PIK3C2G: variants seen among roughly 807,000 people sequenced by gnomAD.
The protein encoded by PIK3C2G is phosphatidylinositol 3-kinase C2 domain-containing subunit gamma.
A neutral mutation model predicts 181.1 loss-of-function variants in PIK3C2G; 168 were observed. The ratio of observed to expected loss-of-function variants is 0.93; its 90% CI spans 0.82 to 1.05. The LOEUF is 1.05. PIK3C2G is among the 50% of genes least tolerant of loss of function. The pLI is 0.00. For missense variants in PIK3C2G, 1,869 were observed against 1,732.8 expected, an observed-to-expected ratio of 1.08 and a Z score of -1.40; for synonymous variants, 573 against 592.2, an observed-to-expected ratio of 0.97 and a Z score of 0.47.
chr12:18,592,582 G>A (rs766786694), intron 29 of PIK3C2G, among the ~76,000 whole-genome samples: 1 of 151,846 alleles, frequency 6.6e-6, no homozygotes, highest in African/African-American at 2.4e-5. Flanking sequence ...TTGAAGAAGT[G>A]GAATCAGTGT....
intron 8 of PIK3C2G, among the ~76,000 whole-genome samples, chr12:18,327,714 C>T (rs1951409657): frequency 6.6e-6 from 1 of 151,740 alleles, no homozygotes; most frequent in African/African-American, 2.4e-5. Flanking sequence ...AATATGAATT[C>T]AATAGGAATT....
At chr12:18,705,072 A>C in the PIK3C2G span, 1 of 1,473,764 alleles carries the variant, frequency 6.8e-7, no homozygotes, top group Non-Finnish European at 9.5e-7. Flanking sequence ...AAGCATTTTC[A>C]TTGGTCTCTA....
At position 18,488,648 on chromosome 12, in the gene PIK3C2G, A is replaced by G. The variant is rs746950646; in HGVS notation, c.2685+19A>G. 3 of 1,420,454 alleles carry G rather than the reference A, an allele frequency of 2.1e-6. No homozygotes were observed. The Admixed American group carries it at 8.0e-5, about 38-fold the overall frequency. The allele number at this position is 1,420,454 out of a possible 1,614,324, so 88.0% of individuals were successfully genotyped here. On this transcript the variant is annotated intron_variant, in intron 19 of 32. Transcript: ENST00000538779. ...AAGACAGGTTTGTTGAAATATTAAT[A>G]TTCAGGTAGTAATGTTTTTAACTTT...
At chr12:18,666,302 C>T in the PIK3C2G span, among the ~76,000 whole-genome samples, 124 of 151,956 alleles carry the variant, frequency 8.2e-4, 1 homozygote, top group East Asian at 3.9e-4. Context: ...GCATATTTGG[C>T]AAAATGCATT....
At chr12:18,377,966 C>T (rs925796873) in intron 13 of PIK3C2G, among the ~76,000 whole-genome samples, 1 of 152,144 alleles carries the variant, frequency 6.6e-6, no homozygotes, top group Non-Finnish European at 1.5e-5. Flanking sequence ...AAGTGATTCT[C>T]CTGCCTCAGC....
intron 20 of PIK3C2G, 52 bp from the exon 21 acceptor site, chr12:18,496,010 T>C (rs1940975619): frequency 3.2e-6 from 3 of 932,490 alleles, no homozygotes; most frequent in Admixed American, 6.3e-5. Flanking sequence ...TTTTTGGGGA[T>C]TGGGGTCTGA....
At chr12:18,562,590 A>G in intron 26 of PIK3C2G, 113 bp from the exon 27 acceptor site, 1 of 635,464 alleles carries the variant, frequency 1.6e-6, no homozygotes. Context: ...ATAAACATAC[A>G]TGGTTCTTGG....
intron 18 of PIK3C2G, among the ~76,000 whole-genome samples, chr12:18,467,416 C>T (rs931584451): frequency 5.9e-5 from 9 of 151,486 alleles, no homozygotes; most frequent in African/African-American, 1.9e-4. Flanking sequence ...TGGTTTCCCT[C>T]TTGGTACTTG....
chr12:18,719,116 C>A, the PIK3C2G span, among the ~76,000 whole-genome samples: 5 of 152,092 alleles, frequency 3.3e-5, no homozygotes, highest in African/African-American at 1.2e-4. Context: ...AAATAAGAGT[C>A]TTCTTCATAT....
chr12:18,283,275 T>A (rs1426953727), intron 2 of PIK3C2G, among the ~76,000 whole-genome samples: 1 of 152,140 alleles, frequency 6.6e-6, no homozygotes, highest in East Asian at 1.9e-4. Context: ...AATTAAGTAT[T>A]CATTGTGTGA....
At chr12:18,701,029 G>C in the PIK3C2G span, among the ~76,000 whole-genome samples, 3 of 151,128 alleles carry the variant, frequency 2.0e-5, no homozygotes, top group South Asian at 6.3e-4. Context: ...CTGTTGCCCA[G>C]GTTGGAGTGC....
chr12:18,394,237 C>T (rs570369741), intron 15 of PIK3C2G, among the ~76,000 whole-genome samples: 4 of 152,152 alleles, frequency 2.6e-5, no homozygotes, highest in Middle Eastern at 3.4e-3. Context: ...CTCAACCTAA[C>T]AAATCATAAA....
chr12:18,600,675 C>A (rs1253960764), intron 30 of PIK3C2G, among the ~76,000 whole-genome samples: 2 of 151,916 alleles, frequency 1.3e-5, no homozygotes, highest in Non-Finnish European at 2.9e-5. Context: ...CTGTTCAACT[C>A]CATGAGAAAA....
At chr12:18,554,956 G>T (rs569961607) in intron 26 of PIK3C2G, among the ~76,000 whole-genome samples, 1 of 152,230 alleles carries the variant, frequency 6.6e-6, no homozygotes, top group Non-Finnish European at 1.5e-5. Context: ...GCAATGAAAT[G>T]AAGTTTGAGA....
At chr12:18,250,699 T>G (rs1025615098) in intron 1 of PIK3C2G, among the ~76,000 whole-genome samples, 1 of 152,048 alleles carries the variant, frequency 6.6e-6, no homozygotes, top group Non-Finnish European at 1.5e-5. Context: ...CTAGGCAAAC[T>G]AGCAGTACAA....
chr12:18,574,034 C>A (rs1946111194), intron 29 of PIK3C2G, among the ~76,000 whole-genome samples: 1 of 152,118 alleles, frequency 6.6e-6, no homozygotes, highest in South Asian at 2.1e-4. Context: ...ACAGAACATA[C>A]AACTTCTGAA....
At chr12:18,387,193 T>C (rs752835377) in intron 14 of PIK3C2G, among the ~76,000 whole-genome samples, 8 of 152,204 alleles carry the variant, frequency 5.3e-5, no homozygotes, top group Non-Finnish European at 1.0e-4. Flanking sequence ...TTATTGTCTA[T>C]CCTCTCAATT....
At chr12:18,695,638 A>G in the PIK3C2G span, among the ~76,000 whole-genome samples, 1 of 151,662 alleles carries the variant, frequency 6.6e-6, no homozygotes, top group Non-Finnish European at 1.5e-5. Context: ...GCCACAATCC[A>G]GTAGAAGGGT....
chr12:18,420,990 C>G lies in PIK3C2G; in HGVS notation c.2365C>G (p.Leu789Val). 1 of 1,606,364 alleles carries G rather than the reference C, an allele frequency of 6.2e-7. No individual in the cohort carries two copies. The highest frequency in any genetic ancestry group is 8.5e-7 in the Non-Finnish European group (1 of 1,173,534). ...AGTGGCAGTTCAACAATTAGACAAC[C>G]TCTTGAATGATGAACTACTGGAATA... ...RKVAVQQLDNLLNDELLEYLP... is the reference protein window; with the variant it reads ...RKVAVQQLDNVLNDELLEYLP... Residue 789 changes from leucine (L) to valine (V), a missense_variant, in exon 17 of 33, where the codon CTC becomes GTC. By Grantham distance (32) the Leu-to-Val change is conservative. Coordinates refer to ENST00000538779, the MANE Select transcript of PIK3C2G (RefSeq NM_001288772.2).
Sources: gnomAD v4.1 joint callset for allele counts (sites outside exome capture counted in the v4.1 genomes callset) on GRCh38, gnomAD v4.1.1 for gene constraint, MANE v1.5 for transcripts, NCBI Gene and HGNC (gene_info 2026-07-23, HGNC 2026-07-21) for gene names.